PCDHA9: variants seen among roughly 807,000 people sequenced by gnomAD.
PCDHA9 encodes the protein protocadherin alpha 9.
A neutral mutation model predicts 62.0 loss-of-function variants in PCDHA9; 62 were observed. The ratio of observed to expected loss-of-function variants is 1.00; its 90% CI spans 0.81 to 1.23. PCDHA9 has a LOEUF of 1.23. Ranked by LOEUF, PCDHA9 falls within the 50% of genes most tolerant of loss-of-function variation. The pLI, the probability that PCDHA9 is intolerant of heterozygous loss-of-function variation, is 0.00. For synonymous variants in PCDHA9, 557 were observed against 567.6 expected (o/e 0.98, Z 0.27); for missense variants, 1,205 against 1,249.8 (o/e 0.96, Z 0.54).
rs1554163586 is a variant in PCDHA9, at chr5:140,869,907, C to T, written c.2394+19018C>T. ...TTGTGCTCAAACTAAACGCCACAGA[C>T]CGAGACGAAGGAGTCAATGGAGAGG... is the stretch of plus-strand genomic sequence containing the variant. On this transcript the variant is annotated intron_variant, in intron 1 of 3. Transcript: ENST00000532602. 1.9e-6 allele frequency: 3 copies of T among 1,610,738 alleles called. No individual in the cohort carries two copies. The East Asian group carries it at 6.7e-5, about 36-fold the overall frequency.
chr5:140,954,978 A>C (rs1268797182), intron 1 of PCDHA9, among the ~76,000 whole-genome samples: 2 of 152,176 alleles, frequency 1.3e-5, no homozygotes, highest in African/African-American at 4.8e-5. Context: ...GTCCAGTTTC[A>C]ATTTTCTGCA....
intron 3 of PCDHA9, among the ~76,000 whole-genome samples, chr5:140,995,545 T>C (rs998594175): frequency 1.3e-5 from 2 of 152,206 alleles, no homozygotes; most frequent in Non-Finnish European, 2.9e-5. Flanking sequence ...TAAGGGGCGA[T>C]CACTGTACTG....
At chr5:140,929,459 G>A in intron 1 of PCDHA9, 1 of 1,350,080 alleles carries the variant, frequency 7.4e-7, no homozygotes. Flanking sequence ...CACTTCCTGT[G>A]CCAAGAAATC....
chr5:140,980,110 A>G (rs2096876892), intron 2 of PCDHA9, among the ~76,000 whole-genome samples: 1 of 152,208 alleles, frequency 6.6e-6, no homozygotes, highest in Admixed American at 6.5e-5. Context: ...GTCACATTGG[A>G]ACCTGGGTCA....
rs2150464211 is a variant in PCDHA9 at position 140,850,028 on chromosome 5, C to T, written c.1533C>T (p.His511=). 1.0e-5 allele frequency: 16 copies of T among 1,596,676 alleles called. 1 individual carries two copies. Among genetic ancestry groups the T allele is most frequent in the East Asian group, 2.2e-5 (1 of 44,848 alleles). Residue 511 remains histidine, a synonymous_variant, in exon 1 of 4, where the codon CAC becomes CAT. Coordinates refer to ENST00000532602, the MANE Select transcript of PCDHA9 (RefSeq NM_031857.2). The stretch of plus-strand genomic sequence containing the variant: ...CGCTGTCGAGCTACGTGTCAGTGCA[C>T]GCGGAGAGCGGCAAGGTGTACGCGC... ...ERSLSSYVSV[H]AESGKVYALQ...
intron 1 of PCDHA9, among the ~76,000 whole-genome samples, chr5:140,960,257 C>T (rs1554224600): frequency 6.6e-6 from 1 of 152,186 alleles, no homozygotes; most frequent in African/African-American, 2.4e-5. Flanking sequence ...CCTGGAGCTT[C>T]TGATAAATTC....
At chr5:140,932,709 A>G (rs2088560759) in intron 1 of PCDHA9, among the ~76,000 whole-genome samples, 1 of 151,956 alleles carries the variant, frequency 6.6e-6, no homozygotes, top group African/African-American at 2.4e-5. Context: ...TATAGACAAC[A>G]CAATAATATT....
chr5:140,887,197 C>T (rs1348316837), intron 1 of PCDHA9, among the ~76,000 whole-genome samples: 1 of 151,678 alleles, frequency 6.6e-6, no homozygotes, highest in Non-Finnish European at 1.5e-5. Flanking sequence ...CCCGGGTTCA[C>T]GCCATTCTCC....
chr5:140,983,777 A>G (rs947937417), intron 3 of PCDHA9, among the ~76,000 whole-genome samples: 1 of 152,256 alleles, frequency 6.6e-6, no homozygotes, highest in Non-Finnish European at 1.5e-5. Context: ...ATCTACATAC[A>G]TAACAGATGA....
chr5:140,946,980 T>G (rs757011315), intron 1 of PCDHA9, among the ~76,000 whole-genome samples: 4 of 151,702 alleles, frequency 2.6e-5, no homozygotes, highest in Non-Finnish European at 5.9e-5. Context: ...AATAGAGGAT[T>G]TTGAGTGTTC....
At chr5:140,914,646 C>A (rs2076792238) in intron 1 of PCDHA9, among the ~76,000 whole-genome samples, 1 of 152,018 alleles carries the variant, frequency 6.6e-6, no homozygotes, top group Admixed American at 6.5e-5. Context: ...ATGGTCATCT[C>A]TCCCTTCTTT....
At chr5:140,865,173 T>C (rs1230117656) in intron 1 of PCDHA9, 1 of 152,234 alleles carries the variant, frequency 6.6e-6, no homozygotes, top group African/African-American at 2.4e-5. Context: ...TGATGCAAAA[T>C]ATTTTTTGCC....
chr5:140,950,071 T>C (rs560042578), intron 1 of PCDHA9, among the ~76,000 whole-genome samples: 20 of 152,098 alleles, frequency 1.3e-4, no homozygotes, highest in African/African-American at 4.8e-4. Context: ...TCCTGTGCCA[T>C]TGCTTATGCT....
At chr5:140,893,634 T>C (rs2064095604) in intron 1 of PCDHA9, among the ~76,000 whole-genome samples, 1 of 152,236 alleles carries the variant, frequency 6.6e-6, no homozygotes, top group Admixed American at 6.5e-5. Flanking sequence ...CTGCTTGGTA[T>C]AGTATTTTTG....
In PCDHA9 at chr5:140,848,922, G is replaced by A. The variant is rs2150424904; in HGVS notation, c.427G>A (p.Ala143Thr). ...FPATQKNLFI[A>T]ESRPLDSRFP... Reference sequence around the variant, plus strand: ...AGCGACACAAAAGAATCTGTTCATCGCGGAATCCAGGCCGCTTGACTCTCG... The same window carrying A: ...AGCGACACAAAAGAATCTGTTCATCACGGAATCCAGGCCGCTTGACTCTCG... Residue 143 changes from alanine (A) to threonine (T), a missense_variant, in exon 1 of 4, where the codon GCG becomes ACG. Physicochemically the swap from Ala to Thr is moderately conservative, Grantham distance 58. This residue lies in a region of PCDHA9 where 208 missense variants were observed against 213.2 expected (regional missense o/e 0.98). Transcript: ENST00000532602. The A allele has an allele frequency of 1.1e-5, 18 of 1,607,650 alleles. 1 individual carries two copies. The highest frequency in any genetic ancestry group is 2.7e-5 in the African/African-American group (2 of 73,700).
chr5:140,939,018 T>G (rs1554212547), intron 1 of PCDHA9, among the ~76,000 whole-genome samples: 1 of 152,228 alleles, frequency 6.6e-6, no homozygotes, highest in Non-Finnish European at 1.5e-5. Context: ...TTACTTTTCT[T>G]TTACTTATTC....
intron 1 of PCDHA9, among the ~76,000 whole-genome samples, chr5:140,899,251 G>T (rs1322090098): frequency 2.6e-5 from 4 of 152,082 alleles, no homozygotes; most frequent in African/African-American, 9.7e-5. Flanking sequence ...GTGAGAGAGG[G>T]CATCCCTGTC....
At chr5:140,973,753 G>A (rs935956688) in intron 1 of PCDHA9, among the ~76,000 whole-genome samples, 1 of 152,244 alleles carries the variant, frequency 6.6e-6, no homozygotes, top group Non-Finnish European at 1.5e-5. Flanking sequence ...ACACTCTGCA[G>A]GGACACAGCC....
chr5:140,988,097 C>T (rs2097282934), intron 3 of PCDHA9, among the ~76,000 whole-genome samples: 1 of 152,084 alleles, frequency 6.6e-6, no homozygotes, highest in Admixed American at 6.5e-5. Flanking sequence ...AGCCTCGGGC[C>T]TTGTTGGAGA....
Sources: allele counts gnomAD v4.1 joint callset (sites outside exome capture counted in the v4.1 genomes callset), GRCh38; gene constraint gnomAD v4.1.1; regional missense constraint gnomAD v4.1.1; transcripts MANE v1.5; gene names NCBI Gene and HGNC (gene_info 2026-07-23, HGNC 2026-07-21).